Variants in WDR17 observed in about 807,000 individuals in gnomAD.
The protein encoded by WDR17 is WD repeat domain 17, also known as WD repeat-containing protein 17.
In WDR17, 143 loss-of-function variants were observed where a neutral mutation model predicts 161.7. The observed-to-expected ratio is 0.88, with a 90% CI of 0.77 to 1.02. The LOEUF (loss-of-function observed/expected upper bound fraction) is 1.02, where lower values mean the gene tolerates loss of function less well. WDR17 is among the 50% of genes least tolerant of loss of function. WDR17 has a pLI of 0.00. For synonymous variants in WDR17, 517 were observed against 515.6 expected, an observed-to-expected ratio of 1.00 and a Z score of -0.04; for missense variants, 1,469 against 1,520.9, an observed-to-expected ratio of 0.97 and a Z score of 0.57.
In WDR17 at chr4:176,134,296, G is replaced by A. The variant is rs115317634; in HGVS notation, c.1099-812G>A. Among the ~76,000 whole-genome samples, 359 of 151,750 alleles carry A rather than the reference G, an allele frequency of 2.4e-3. 1 individual carries two copies. The highest frequency in any genetic ancestry group is 7.2e-3 in the African/African-American group (299 of 41,512). On this transcript the variant is annotated intron_variant, in intron 7 of 28. Transcript: ENST00000508596. ...AACCCTGTCTTTGTACTTCAACTCC[G>A]TCTCTAGATCCCAAATGTTAGTTTC...
intron 23 of WDR17, among the ~76,000 whole-genome samples, chr4:176,169,199 G>A (rs1002319184): frequency 1.3e-5 from 2 of 152,054 alleles, no homozygotes; most frequent in African/African-American, 4.8e-5. Flanking sequence ...AGACAACTTA[G>A]AATCCTTAAA....
At chr4:176,140,000 A>G (rs1745000802) in intron 10 of WDR17, 26 bp downstream of exon 10, 1 of 1,547,606 alleles carries the variant, frequency 6.5e-7, no homozygotes, top group South Asian at 1.2e-5. Context: ...GATACATGAT[A>G]TGAAATTACA....
intron 12 of WDR17, among the ~76,000 whole-genome samples, chr4:176,147,462 T>A (rs1281276983): frequency 6.6e-6 from 1 of 152,182 alleles, no homozygotes; most frequent in Admixed American, 6.5e-5. Context: ...CTAAGATTTA[T>A]TCTACACTGA....
intron 28 of WDR17, 79 bp downstream of exon 28, chr4:176,177,733 TAATTTGGATAAAAG>T (rs1561226224): frequency 7.0e-6 from 10 of 1,430,250 alleles, no homozygotes; most frequent in Non-Finnish European, 9.4e-6. Context: ...AAAATAAGCC[TAATTTGGATAAAAG>T]TAGGTAATTT....
intron 4 of WDR17, among the ~76,000 whole-genome samples, chr4:176,122,402 C>T (rs1178330196): frequency 1.3e-5 from 2 of 152,052 alleles, no homozygotes; most frequent in Admixed American, 6.6e-5. Flanking sequence ...GAGCACAGTT[C>T]AACCCATAAC....
In WDR17 at chr4:176,111,393, G is replaced by A. The variant is rs1739711086; in HGVS notation, c.-6-182G>A. On this transcript the variant is annotated intron_variant, in intron 1 of 28. Transcript: ENST00000508596. Reference sequence around the variant, plus strand: ...TTTCCTCATTTAAATTAGTTGCCTTGATGTCTGCAGACATTTAGGGAGTTC... The same window carrying A: ...TTTCCTCATTTAAATTAGTTGCCTTAATGTCTGCAGACATTTAGGGAGTTC... 6.9e-6 allele frequency: 3 copies of A among 437,068 alleles called. 1 individual carries two copies. In the East Asian group the frequency reaches 1.2e-4, roughly 18 times the overall value. The allele number at this position is 437,068 out of a possible 1,614,324, so 27.1% of individuals were successfully genotyped here.
chr4:176,119,895 G>A lies in WDR17; in HGVS notation c.336G>A (p.Trp112Ter), dbSNP rs756731512. 3 of 1,614,060 alleles carry A rather than the reference G, an allele frequency of 1.9e-6. No individual in the cohort carries two copies. The highest frequency in any genetic ancestry group is 1.7e-5 in the Admixed American group (1 of 60,008). Residue 112 changes from tryptophan (W) to a stop codon, truncating the protein, a stop_gained, in exon 4 of 29, where the codon TGG becomes TGA. Coordinates refer to ENST00000508596, the MANE Select transcript of WDR17 (RefSeq NM_181265.4). LOFTEE classifies it high-confidence loss of function. ...TCCCTGCTTCTCTTAGTTGGTGCTG[G>A]AATGCAGAGGATGTGGTGGCATTTG... The part of the protein sequence containing the change: ...KGIPASLSWC[W>*]NAEDVVAFVS...
Position 176,111,626 on chromosome 4 carries a change from C to T in WDR17, c.46C>T (p.Pro16Ser), listed in dbSNP as rs1739759413. 1 of 1,610,700 alleles carries T rather than the reference C, an allele frequency of 6.2e-7. No individual in the cohort carries two copies. Residue 16 changes from proline to serine, a missense_variant, in exon 2 of 29, where the codon CCA becomes TCA. Coordinates refer to ENST00000508596, the MANE Select transcript of WDR17 (RefSeq NM_181265.4). ...QVGLLAAGCQPWNKDVCAASG... is the reference protein window; with the variant it reads ...QVGLLAAGCQSWNKDVCAASG... ...GGGATTGCTGGCTGCTGGATGTCAG[C>T]CATGGAACAAGGATGTATGTGCTGC...
At chr4:176,077,710 G>A (rs184715201) in intron 1 of WDR17, among the ~76,000 whole-genome samples, 146 of 150,480 alleles carry the variant, frequency 9.7e-4, no homozygotes, top group Non-Finnish European at 1.7e-3. Context: ...ATGATTGTAT[G>A]TATCATTCAT....
intron 1 of WDR17, among the ~76,000 whole-genome samples, chr4:176,072,561 G>T (rs1002021417): frequency 6.6e-6 from 1 of 152,154 alleles, no homozygotes; most frequent in Non-Finnish European, 1.5e-5. Flanking sequence ...TGAGAATAAT[G>T]CTCATTTAGA....
chr4:176,161,027 C>A, intron 20 of WDR17, 25 bp downstream of exon 20: 1 of 1,573,524 alleles, frequency 6.4e-7, no homozygotes, highest in Non-Finnish European at 8.6e-7. Context: ...TGCTCTGGGT[C>A]CATATGTTTT....
At position 176,125,138 on chromosome 4, in the gene WDR17, A is replaced by G. The variant is rs772645285; in HGVS notation, c.573A>G (p.Glu191=). The change falls in exon 5 of 29, where the codon GAA becomes GAG. Residue 191 remains glutamate (E), a synonymous_variant. Coordinates refer to ENST00000508596, the MANE Select transcript of WDR17 (RefSeq NM_181265.4). The stretch of plus-strand genomic sequence containing the variant: ...ATCAGAAACATGTTTTGAGACCAGA[A>G]TCTCTTGAAGGGACAGATGAAGAGG... ...NKNQKHVLRP[E]SLEGTDEEDP... is the part of the protein sequence containing the mutation. 2 of 1,614,164 alleles carry G rather than the reference A, an allele frequency of 1.2e-6. No homozygotes were observed. Among genetic ancestry groups the G allele is most frequent in the Non-Finnish European group, 1.7e-6 (2 of 1,180,004 alleles).
chr4:176,086,968 G>T (rs1433014285), intron 1 of WDR17, among the ~76,000 whole-genome samples: 1 of 151,726 alleles, frequency 6.6e-6, no homozygotes, highest in African/African-American at 2.4e-5. Flanking sequence ...TAATACAAAT[G>T]ATTACTTTTA....
intron 11 of WDR17, among the ~76,000 whole-genome samples, chr4:176,142,639 T>C (rs1745463017): frequency 6.6e-6 from 1 of 152,226 alleles, no homozygotes; most frequent in Non-Finnish European, 1.5e-5. Context: ...TTGCATTTCC[T>C]AGAATATTGT....
At chr4:176,066,436 C>T (rs1732537623) in intron 1 of WDR17, among the ~76,000 whole-genome samples, 1 of 152,184 alleles carries the variant, frequency 6.6e-6, no homozygotes, top group Non-Finnish European at 1.5e-5. Context: ...CGGCCAGACA[C>T]TTCTGTATAG....
chr4:176,089,276 CT>C (rs1370243670), intron 1 of WDR17, among the ~76,000 whole-genome samples: 1 of 152,166 alleles, frequency 6.6e-6, no homozygotes, highest in Non-Finnish European at 1.5e-5. Context: ...CCCCAAAACT[CT>C]TTCACAACTT....
chr4:176,105,771 C>A (rs1399167785), intron 1 of WDR17, among the ~76,000 whole-genome samples: 1 of 151,774 alleles, frequency 6.6e-6, no homozygotes, highest in Admixed American at 6.6e-5. Flanking sequence ...TTTATAGGAT[C>A]TCAAATTAGC....
chr4:176,099,440 G>C (rs1039991653), intron 1 of WDR17, among the ~76,000 whole-genome samples: 37 of 152,184 alleles, frequency 2.4e-4, no homozygotes, highest in African/African-American at 8.4e-4. Context: ...GGGTGGCGGG[G>C]GAGCTTTTGT....
chr4:176,077,090 A>T (rs1412334032), intron 1 of WDR17, among the ~76,000 whole-genome samples: 1 of 151,378 alleles, frequency 6.6e-6, no homozygotes, highest in Non-Finnish European at 1.5e-5. Flanking sequence ...CACCTATAAT[A>T]TATTGCTGAA....
Sources: gnomAD v4.1 joint callset for allele counts (sites outside exome capture counted in the v4.1 genomes callset) on GRCh38, gnomAD v4.1.1 for gene constraint, MANE v1.5 for transcripts, NCBI Gene and HGNC (gene_info 2026-07-23, HGNC 2026-07-21) for gene names.